Variants in ARHGEF3 observed in about 807,000 individuals in gnomAD.
The protein encoded by ARHGEF3 is Rho guanine nucleotide exchange factor 3.
ARHGEF3 carries 28 observed loss-of-function variants against 63.2 expected under a neutral mutation model. The observed-to-expected ratio is 0.44, with a 90% confidence interval of 0.33 to 0.61. ARHGEF3 has a LOEUF of 0.61. Ranked by LOEUF, ARHGEF3 falls within the 20% of genes least tolerant of loss-of-function variation. The probability of loss-of-function intolerance (pLI) is 0.03; values close to 1 mark genes in which losing one functional copy is unlikely to be tolerated. For missense variants in ARHGEF3, 533 were observed against 659.3 expected (o/e 0.81, Z 2.10); for synonymous variants, 266 against 254.2 (o/e 1.05, Z -0.44).
intron 1 of ARHGEF3, among the ~76,000 whole-genome samples, chr3:57,058,793 C>G (rs1468677998): frequency 1.3e-5 from 2 of 151,924 alleles, no homozygotes; most frequent in Admixed American, 6.6e-5. Flanking sequence ...ACATATACAC[C>G]ATGGAATACT....
chr3:57,075,542 G>A (rs1706177674), intron 1 of ARHGEF3: 1 of 151,246 alleles, frequency 6.6e-6, no homozygotes, highest in Non-Finnish European at 1.5e-5. Context: ...CCGGCATGGT[G>A]GCTCATGCCT....
intron 3 of ARHGEF3, among the ~76,000 whole-genome samples, chr3:56,890,595 C>T (rs1326424917): frequency 6.6e-6 from 1 of 152,188 alleles, no homozygotes; most frequent in African/African-American, 2.4e-5. Context: ...AGACCTGGTA[C>T]GCTGCCTGAC....
intron 3 of ARHGEF3, among the ~76,000 whole-genome samples, chr3:56,886,131 C>A (rs1263220714): frequency 6.6e-6 from 1 of 152,214 alleles, no homozygotes; most frequent in Non-Finnish European, 1.5e-5. Flanking sequence ...AAGACAGAGG[C>A]TAGCAGGGCA....
chr3:56,842,743 T>G (rs1009931141), intron 4 of ARHGEF3, among the ~76,000 whole-genome samples: 3 of 152,074 alleles, frequency 2.0e-5, no homozygotes. Flanking sequence ...ATCACGGAAC[T>G]CTCCCTAGGG....
chr3:57,051,833 G>A (rs187595564), intron 1 of ARHGEF3, among the ~76,000 whole-genome samples: 14 of 152,138 alleles, frequency 9.2e-5, no homozygotes, highest in African/African-American at 2.6e-4. Context: ...GTGTGGTGGC[G>A]GGAGCCTGTA....
At chr3:57,047,084 A>C (rs1255665229) in intron 1 of ARHGEF3, among the ~76,000 whole-genome samples, 1 of 152,186 alleles carries the variant, frequency 6.6e-6, no homozygotes, top group South Asian at 2.1e-4. Context: ...TGTGGTGGCT[A>C]ACGCCTGTAA....
chr3:57,073,148 G>A (rs533072145), intron 1 of ARHGEF3, among the ~76,000 whole-genome samples: 4 of 152,176 alleles, frequency 2.6e-5, no homozygotes, highest in Admixed American at 6.5e-5. Flanking sequence ...CCATGCCTGT[G>A]TGAGTAAACA....
At chr3:56,975,739 G>C (rs762016316) in intron 2 of ARHGEF3, 4 of 405,112 alleles carry the variant, frequency 9.9e-6, no homozygotes, top group South Asian at 7.3e-5. Flanking sequence ...CAGAGGAAAG[G>C]AGATGGAAAC....
chr3:56,973,746 G>A (rs1225297849), intron 2 of ARHGEF3, among the ~76,000 whole-genome samples: 2 of 152,070 alleles, frequency 1.3e-5, no homozygotes, highest in Non-Finnish European at 2.9e-5. Flanking sequence ...GACTTGACAA[G>A]AAAACATTAG....
chr3:56,836,652 G>A (rs906562534), intron 4 of ARHGEF3, among the ~76,000 whole-genome samples: 1 of 152,102 alleles, frequency 6.6e-6, no homozygotes, highest in African/African-American at 2.4e-5. Flanking sequence ...TGGGCCAGGC[G>A]CAGTAGCTTA....
At chr3:56,876,006 G>C (rs1270456925) in intron 4 of ARHGEF3, among the ~76,000 whole-genome samples, 2 of 152,172 alleles carry the variant, frequency 1.3e-5, no homozygotes, top group Non-Finnish European at 1.5e-5. Context: ...GGAAGTCTGG[G>C]AGCTTCTTAG....
chr3:57,026,713 C>A (rs771731915), intron 2 of ARHGEF3, among the ~76,000 whole-genome samples: 32 of 152,206 alleles, frequency 2.1e-4, no homozygotes, highest in African/African-American at 6.5e-4. Flanking sequence ...CAGAGACATT[C>A]TTTTCCTGCC....
At chr3:56,952,886 C>T (rs1489207002) in intron 3 of ARHGEF3, among the ~76,000 whole-genome samples, 1 of 152,172 alleles carries the variant, frequency 6.6e-6, no homozygotes, top group African/African-American at 2.4e-5. Context: ...CACGTCTAAC[C>T]TCCTTTGAGG....
At chr3:56,935,640 G>A (rs570585051) in intron 3 of ARHGEF3, among the ~76,000 whole-genome samples, 8 of 152,014 alleles carry the variant, frequency 5.3e-5, no homozygotes, top group African/African-American at 1.2e-4. Context: ...CACTCACCAC[G>A]AAGGTCTGCA....
At chr3:56,802,723 C>T (rs1338859114), upstream of ARHGEF3, among the ~76,000 whole-genome samples, 1 of 152,182 alleles carries the variant, frequency 6.6e-6, no homozygotes, top group Non-Finnish European at 1.5e-5. Context: ...GGCACTACCA[C>T]ACCTTTCTGG....
chr3:56,943,232 G>T (rs1269297310), intron 3 of ARHGEF3, among the ~76,000 whole-genome samples: 1 of 152,182 alleles, frequency 6.6e-6, no homozygotes, highest in Non-Finnish European at 1.5e-5. Context: ...AGGACAGAAT[G>T]ACTTTCTTAT....
At chr3:56,948,806 G>A (rs988824655) in intron 3 of ARHGEF3, among the ~76,000 whole-genome samples, 13 of 149,100 alleles carry the variant, frequency 8.7e-5, no homozygotes, top group African/African-American at 3.2e-4. Flanking sequence ...TGATACCAAA[G>A]CCTGGCAGAG....
intron 1 of ARHGEF3, among the ~76,000 whole-genome samples, chr3:57,040,930 C>A (rs1704162685): frequency 1.3e-5 from 2 of 152,036 alleles, no homozygotes; most frequent in Admixed American, 6.6e-5. Context: ...CACTCCTTTA[C>A]CTGCCTCTCA....
intron 2 of ARHGEF3, among the ~76,000 whole-genome samples, chr3:57,002,515 T>TTATA (rs1457658603): frequency 1.2e-4 from 7 of 60,394 alleles, no homozygotes; most frequent in South Asian, 5.7e-4. Context: ...TATATATATG[T>TTATA]TATATATGTA....
Sources: gnomAD v4.1 joint callset for allele counts (sites outside exome capture counted in the v4.1 genomes callset) on GRCh38, gnomAD v4.1.1 for gene constraint, MANE v1.5 for transcripts, NCBI Gene and HGNC (gene_info 2026-07-23, HGNC 2026-07-21) for gene names.